ARID1A: variants seen among roughly 807,000 people sequenced by gnomAD.
ARID1A encodes the protein AT-rich interaction domain 1A, also known as AT-rich interactive domain-containing protein 1A.
ARID1A carries 20 observed loss-of-function variants against 212.6 expected under a neutral mutation model. The ratio of observed to expected loss-of-function variants is 0.09; its 90% CI spans 0.07 to 0.14. ARID1A has a LOEUF of 0.14. Ranked by LOEUF, ARID1A falls within the 10% of genes least tolerant of loss-of-function variation. ARID1A has a pLI of 1.00. For synonymous variants in ARID1A, 1,376 were observed against 1,222.1 expected, an observed-to-expected ratio of 1.13 and a Z score of -2.63; for missense variants, 2,587 against 3,059.0, an observed-to-expected ratio of 0.85 and a Z score of 3.64.
In ARID1A at chr1:26,774,019, A is replaced by T; in HGVS notation, c.4101+121A>T. The T allele has an allele frequency of 7.6e-7, 1 of 1,320,732 alleles. No individual in the cohort carries two copies. 81.8% of individuals were successfully genotyped at this position (1,320,732 alleles called of 1,614,324 possible). A position where few individuals can be genotyped will look rare whatever the true frequency, so the allele number is the denominator to read the frequency against. On this transcript the variant is annotated intron_variant, in intron 17 of 19. Transcript: ENST00000324856. This position sits in a 1 kb window ranked among gnomAD's most constrained non-coding sequence, Gnocchi z 5.6. ...TTAGATATTTTGGCATTCTTCTCTC[A>T]CCTGACTGGCCAGTCCTGCCTGAAG...
Position 26,780,781 on chromosome 1 carries a change from CGT to C in ARID1A, c.*35_*36del, listed in dbSNP as rs1553153821. 218 of 1,539,744 alleles carry C rather than the reference CGT, an allele frequency of 1.4e-4. No individual in the cohort carries two copies. Among genetic ancestry groups the C allele is most frequent in the Non-Finnish European group, 1.8e-4 (203 of 1,144,434 alleles). On this transcript the variant is annotated 3_prime_UTR_variant, in exon 20 of 20. Transcript: ENST00000324856. The surrounding 1 kb of genome is among the most constrained non-coding windows in gnomAD (Gnocchi z 7.2). The stretch of plus-strand genomic sequence containing the variant: ...ACAGCCGTGGGACACCTCCCCCCCC[CGT>C]GTGTGTGTGCGTGTGTGGAGAACTT...
At chr1:26,751,345 G>C (rs2080883658) in intron 4 of ARID1A, among the ~76,000 whole-genome samples, 1 of 152,076 alleles carries the variant, frequency 6.6e-6, no homozygotes, top group Non-Finnish European at 1.5e-5. Context: ...GGAGTTAAGT[G>C]AGCCTCGTGA....
chr1:26,763,335 G>A (rs761698193), intron 8 of ARID1A, 50 bp downstream of exon 8: 7 of 1,507,816 alleles, frequency 4.6e-6, no homozygotes, highest in Middle Eastern at 1.8e-4. Flanking sequence ...ATGTATTATA[G>A]ACCCACTCAG....
chr1:26,705,666 G>A (rs2080385005), intron 1 of ARID1A, among the ~76,000 whole-genome samples: 2 of 152,170 alleles, frequency 1.3e-5, no homozygotes, highest in Admixed American at 1.3e-4. Flanking sequence ...CCAGGTTTTA[G>A]AGGAATCCAA....
intron 1 of ARID1A, among the ~76,000 whole-genome samples, chr1:26,720,793 T>C (rs1175319867): frequency 6.6e-6 from 1 of 150,806 alleles, no homozygotes; most frequent in African/African-American, 2.4e-5. Context: ...GAGCCCAGGA[T>C]AGGAGGTTGA....
chr1:26,723,330 C>G (rs78400800), intron 1 of ARID1A, among the ~76,000 whole-genome samples: 4,088 of 152,232 alleles, frequency 0.027, 195 homozygotes, highest in African/African-American at 0.094. Flanking sequence ...CTGGAATGCC[C>G]TATCACAGGG....
At chr1:26,703,548 A>G (rs959181080) in intron 1 of ARID1A, among the ~76,000 whole-genome samples, 2 of 152,208 alleles carry the variant, frequency 1.3e-5, no homozygotes, top group Admixed American at 6.5e-5. Context: ...GGTCCTGACT[A>G]TGATTTTTAG....
At chr1:26,698,508 G>A (rs2080301552) in intron 1 of ARID1A, among the ~76,000 whole-genome samples, 1 of 152,218 alleles carries the variant, frequency 6.6e-6, no homozygotes, top group African/African-American at 2.4e-5. Flanking sequence ...GCCTCAGACA[G>A]CCTGCCCTTG....
intron 2 of ARID1A, 109 bp downstream of exon 2, chr1:26,729,972 A>G: frequency 7.5e-7 from 1 of 1,327,230 alleles, no homozygotes; most frequent in Non-Finnish European, 1.0e-6. Context: ...ACAGGAATGT[A>G]GACCTGTTGG....
chr1:26,761,346 A>T (rs2124058796), intron 5 of ARID1A, 38 bp from the exon 6 acceptor site: 1 of 1,609,346 alleles, frequency 6.2e-7, no homozygotes, highest in South Asian at 1.1e-5. Context: ...TCCCAGGCTT[A>T]GCCATGATAT....
intron 1 of ARID1A, among the ~76,000 whole-genome samples, chr1:26,718,645 A>C (rs1307626234): frequency 6.6e-6 from 1 of 152,196 alleles, no homozygotes; most frequent in African/African-American, 2.4e-5. Flanking sequence ...ATTACTTATA[A>C]TACCTCATAC....
chr1:26,711,625 C>A (rs2080455285), intron 1 of ARID1A, among the ~76,000 whole-genome samples: 1 of 152,204 alleles, frequency 6.6e-6, no homozygotes, highest in Non-Finnish European at 1.5e-5. Flanking sequence ...TGGACCTTTA[C>A]TAGTGCAGTG....
At chr1:26,709,431 C>T (rs2080427813) in intron 1 of ARID1A, among the ~76,000 whole-genome samples, 1 of 152,038 alleles carries the variant, frequency 6.6e-6, no homozygotes, top group South Asian at 2.1e-4. Flanking sequence ...AGCCAGGAGG[C>T]CAGAAGGGTG....
At chr1:26,712,692 C>T (rs1324171574) in intron 1 of ARID1A, among the ~76,000 whole-genome samples, 1 of 152,158 alleles carries the variant, frequency 6.6e-6, no homozygotes, top group Non-Finnish European at 1.5e-5. Context: ...GAGCAAGACC[C>T]TGTCTCAAAT....
intron 1 of ARID1A, among the ~76,000 whole-genome samples, chr1:26,706,662 TC>T (rs1218016938): frequency 2.0e-5 from 3 of 152,214 alleles, no homozygotes. Context: ...TTTGGGCTCT[TC>T]TTGCCCAGTG....
At position 26,760,001 on chromosome 1, in the gene ARID1A, G is replaced by A. The variant is rs374638978; in HGVS notation, c.1921-855G>A. On this transcript the variant is annotated intron_variant, in intron 4 of 19. Transcript: ENST00000324856. The stretch of plus-strand genomic sequence containing the variant: ...CAAATGGAGGCTGTGATAATCTATA[G>A]TAATAATCATCATTGTAATATATAA... 5.3e-5 allele frequency among the ~76,000 whole-genome samples: 8 copies of A among 152,164 alleles called. No homozygotes were observed. In the East Asian group the frequency reaches 5.8e-4, roughly 11 times the overall value.
chr1:26,696,055 G>C lies in ARID1A; in HGVS notation c.-349G>C. On this transcript the variant is annotated 5_prime_UTR_variant, in exon 1 of 20. Transcript: ENST00000324856. ...GCAGAAAGCGGAGAGTCACAGCGGGGCCAGGCCCTGGGGAGCGGAGCCTCC... is the reference window on the plus strand; with the variant it reads ...GCAGAAAGCGGAGAGTCACAGCGGGCCCAGGCCCTGGGGAGCGGAGCCTCC... The C allele has an allele frequency of 3.0e-6, 2 of 668,302 alleles. No individual in the cohort carries two copies. Among genetic ancestry groups the C allele is most frequent in the Non-Finnish European group, 3.8e-6 (2 of 529,604 alleles). 41.4% of individuals were successfully genotyped at this position (668,302 alleles called of 1,614,324 possible).
At chr1:26,752,229 C>A (rs1031479474) in intron 4 of ARID1A, among the ~76,000 whole-genome samples, 3 of 152,196 alleles carry the variant, frequency 2.0e-5, no homozygotes, top group African/African-American at 7.2e-5. Flanking sequence ...GCAGCCTATT[C>A]TGTGTGTTGA....
At chr1:26,752,494 C>T (rs1482080037) in intron 4 of ARID1A, among the ~76,000 whole-genome samples, 1 of 152,190 alleles carries the variant, frequency 6.6e-6, no homozygotes, top group Non-Finnish European at 1.5e-5. Context: ...CCTCTGCTAC[C>T]CTCAACAAGT....
Sources: gnomAD v4.1 joint callset for allele counts (sites outside exome capture counted in the v4.1 genomes callset) on GRCh38, gnomAD v4.1.1 for gene constraint, Gnocchi (gnomAD v3.1) non-coding constraint, MANE v1.5 for transcripts, NCBI Gene and HGNC (gene_info 2026-07-23, HGNC 2026-07-21) for gene names.